Variants in PKMYT1 observed in about 807,000 individuals in gnomAD.
PKMYT1 encodes membrane-associated tyrosine- and threonine-specific cdc2-inhibitory kinase.
A neutral mutation model predicts 49.7 loss-of-function variants in PKMYT1; 35 were observed. That is an observed-to-expected ratio of 0.70 (90% CI 0.54 to 0.93). PKMYT1 has a LOEUF of 0.93. Among genes scored for constraint, PKMYT1 ranks in the 40% least tolerant of loss-of-function variants. The pLI, the probability that PKMYT1 is intolerant of heterozygous loss-of-function variation, is 0.00. For missense variants in PKMYT1, 677 were observed against 673.1 expected, an observed-to-expected ratio of 1.01 and a Z score of -0.06; for synonymous variants, 331 against 287.6, an observed-to-expected ratio of 1.15 and a Z score of -1.53.
chr16:2,973,145 T>A lies in PKMYT1; in HGVS notation c.1381A>T (p.Thr461Ser). ...GCCCCTGGACCTGCTTACCTGGGTG[T>A]GCACCTGCTCCGGGGGGTGGAGGTG... ...GSTSTPRSRC[T>S]PRDALDLSDI... The change falls in exon 8 of 9, where the codon ACA (threonine) becomes TCA (serine). Residue 461 changes from threonine (T) to serine (S), a missense_variant. Thr to Ser is a moderately conservative substitution (Grantham distance 58, BLOSUM62 1). Transcript: ENST00000262300. The A allele has an allele frequency of 2.6e-6, 4 of 1,549,840 alleles. No individual in the cohort carries two copies. Among genetic ancestry groups the A allele is most frequent in the Non-Finnish European group, 3.5e-6 (4 of 1,142,006 alleles).
Position 2,979,687 on chromosome 16 carries a change from G to C in PKMYT1, c.-30C>G. ...GGCCTGGCCCAACAGCCTCAGTGGTGGGACGGGGGAGGCAGGAGCAGGGGC... is the reference window on the plus strand; with the variant it reads ...GGCCTGGCCCAACAGCCTCAGTGGTCGGACGGGGGAGGCAGGAGCAGGGGC... On this transcript the variant is annotated 5_prime_UTR_variant, in exon 2 of 9. Transcript: ENST00000262300. 1 of 1,613,820 alleles carries C rather than the reference G, an allele frequency of 6.2e-7. No individual in the cohort carries two copies. Among genetic ancestry groups the C allele is most frequent in the South Asian group, 1.1e-5 (1 of 91,066 alleles).
Position 2,974,571 on chromosome 16 carries a change from G to A in PKMYT1, c.958C>T (p.Leu320=). The change falls in exon 5 of 9, where the codon CTG becomes TTG. Residue 320 remains leucine, a synonymous_variant. Transcript: ENST00000262300. ...TCACCGGCAGTGAACTCAGGGGGCAGGTAGCCCTGGCGCAGCTGCTGCCAG... is the reference window on the plus strand; with the variant it reads ...TCACCGGCAGTGAACTCAGGGGGCAAGTAGCCCTGGCGCAGCTGCTGCCAG... ...EGWQQLRQGY[L]PPEFTAGLSS... 1.9e-6 allele frequency: 3 copies of A among 1,579,772 alleles called. No homozygotes were observed. The Admixed American group carries it at 5.4e-5, about 28-fold the overall frequency.
intron 2 of PKMYT1, 112 bp downstream of exon 2, chr16:2,979,536 C>T (rs2072287694): frequency 1.2e-6 from 1 of 849,910 alleles, no homozygotes; most frequent in Non-Finnish European, 2.0e-6. Context: ...TGTTGGGATC[C>T]TGGAGGTCAC....
In PKMYT1 at chr16:2,975,337, G is replaced by C. The variant is rs772920818; in HGVS notation, c.854C>G (p.Thr285Arg). 1 of 1,612,474 alleles carries C rather than the reference G, an allele frequency of 6.2e-7. No homozygotes were observed. The highest frequency in any genetic ancestry group is 1.1e-5 in the South Asian group (1 of 91,042). The change falls in exon 4 of 9, where the codon ACA becomes AGA. Residue 285 changes from threonine (T) to arginine (R), a missense_variant. Physicochemically the swap from Thr to Arg is moderately conservative, Grantham distance 71. Transcript: ENST00000262300. ...TCCCCACCTGAACACATCCGCTGCT[G>C]TCCCATAGGAGCCCTGCAGCAGCTC... is the stretch of plus-strand genomic sequence containing the variant. Reference protein sequence around the residue: ...APELLQGSYGTAADVFSLGLT... With the variant: ...APELLQGSYGRAADVFSLGLT...
intron 7 of PKMYT1, chr16:2,973,457 AT>A: frequency 6.6e-7 from 1 of 1,516,018 alleles, no homozygotes; most frequent in Non-Finnish European, 8.8e-7. Flanking sequence ...TTGGAGGCAG[AT>A]TTGAAATAAA....
chr16:2,979,857 T>C lies in PKMYT1; in HGVS notation c.-200A>G. The C allele has an allele frequency of 1.6e-6, 1 of 621,970 alleles. No individual in the cohort carries two copies. Among genetic ancestry groups the C allele is most frequent in the South Asian group, 1.9e-5 (1 of 52,736 alleles). 38.5% of individuals were successfully genotyped at this position (621,970 alleles called of 1,614,324 possible). On this transcript the variant is annotated 5_prime_UTR_variant, in exon 2 of 9. Coordinates refer to ENST00000262300, the MANE Select transcript of PKMYT1 (RefSeq NM_004203.5). ...GCTGGCCACCTTTCCCGGTAGACGG[T>C]AAGTTCCTCCCAGGCAGGGCCGCGG...
At chr16:2,974,817 T>C in intron 4 of PKMYT1, 161 bp from the exon 5 acceptor site, 1 of 602,602 alleles carries the variant, frequency 1.7e-6, no homozygotes, top group East Asian at 2.8e-5. Flanking sequence ...GGCCTGATCA[T>C]GAACCCTGGG....
chr16:2,975,444 C>G lies in PKMYT1; in HGVS notation c.747G>C (p.Leu249=). Residue 249 remains leucine (L), a synonymous_variant, in exon 4 of 9, where the codon CTG becomes CTC. Coordinates refer to ENST00000262300, the MANE Select transcript of PKMYT1 (RefSeq NM_004203.5). ...GCTCCACCAGCAGTCCGAAGTCACC[C>G]AGCTTGCAGCGGCCCCGGGGCCCCA... The part of the protein sequence containing the change: ...IFLGPRGRCK[L]GDFGLLVELG... 1 of 1,613,246 alleles carries G rather than the reference C, an allele frequency of 6.2e-7. No individual in the cohort carries two copies. The highest frequency in any genetic ancestry group is 2.2e-5 in the East Asian group (1 of 44,878).
chr16:2,974,858 T>C, intron 4 of PKMYT1: 1 of 587,522 alleles, frequency 1.7e-6, no homozygotes, highest in Non-Finnish European at 3.0e-6. Context: ...ATATGGGCTC[T>C]GTGCCCAGGG....
At position 2,977,167 on chromosome 16, in the gene PKMYT1, G is replaced by A. The variant is rs899211468; in HGVS notation, c.11-136C>T. On this transcript the variant is annotated intron_variant, in intron 2 of 8. Transcript: ENST00000262300. ...TATTCTACTTTAAACGGCAATGGGA[G>A]CAATAAGCACCTACCAAGAAAAGGC... 8 of 1,486,434 alleles carry A rather than the reference G, an allele frequency of 5.4e-6. No individual in the cohort carries two copies. In the Admixed American group the frequency reaches 1.5e-4, roughly 28 times the overall value. 92.1% of individuals were successfully genotyped at this position (1,486,434 alleles called of 1,614,324 possible). A position where few individuals can be genotyped will look rare whatever the true frequency, so the allele number is the denominator to read the frequency against.
Position 2,973,207 on chromosome 16 carries a change from A to C in PKMYT1, c.1319T>G (p.Leu440Arg). The C allele has an allele frequency of 6.6e-7, 1 of 1,504,666 alleles. No individual in the cohort carries two copies. The highest frequency in any genetic ancestry group is 8.9e-7 in the Non-Finnish European group (1 of 1,123,710). 93.2% of individuals were successfully genotyped at this position (1,504,666 alleles called of 1,614,324 possible). A position where few individuals can be genotyped will look rare whatever the true frequency, so the allele number is the denominator to read the frequency against. Residue 440 changes from leucine (L) to arginine (R), a missense_variant, in exon 8 of 9, where the codon CTC (leucine) becomes CGC (arginine). Transcript: ENST00000262300. ...CCGGGCCAGGACAGCCTCAGGGGAG[A>C]GTGAAGGCCTGCAGGAGGGCAGGCG... ...NWDDDSLGPS[L>R]SPEAVLARTV...
Position 2,972,885 on chromosome 16 carries a change from C to T in PKMYT1, c.*68G>A. ...AGACCATGGGAGTTCCCGAGGGGCC[C>T]CAGCTTTCAAGGGCGACGGGAGAGA... On this transcript the variant is annotated 3_prime_UTR_variant, in exon 9 of 9. Coordinates refer to ENST00000262300, the MANE Select transcript of PKMYT1 (RefSeq NM_004203.5). 1.9e-6 allele frequency: 3 copies of T among 1,544,142 alleles called. No individual in the cohort carries two copies. Among genetic ancestry groups the T allele is most frequent in the African/African-American group, 1.4e-5 (1 of 73,928 alleles).
Position 2,972,996 on chromosome 16 carries a change from C to T in PKMYT1, c.1457G>A (p.Arg486Gln), listed in dbSNP as rs150747918. Reference protein sequence around the residue: ...PRGSFPSFEPRNLLSLFEDTL... With the variant: ...PRGSFPSFEPQNLLSLFEDTL... ...GTCCTCAAACAGGCTGAGGAGGTTC[C>T]GAGGCTCAAAGGAGGGGAAGGAGCC... Residue 486 changes from arginine (R) to glutamine (Q), a missense_variant, in exon 9 of 9, where the codon CGG (arginine) becomes CAG (glutamine). Physicochemically the swap from Arg to Gln is conservative, Grantham distance 43 (BLOSUM62 1). Transcript: ENST00000262300. The T allele has an allele frequency of 1.2e-4, 197 of 1,610,466 alleles. No homozygotes were observed. The African/African-American group carries it at 1.4e-3, about 12-fold the overall frequency.
Position 2,976,709 on chromosome 16 carries a change from C to T in PKMYT1, c.333G>A (p.Gln111=). 1 of 1,492,270 alleles carries T rather than the reference C, an allele frequency of 6.7e-7. No homozygotes were observed. Among genetic ancestry groups the T allele is most frequent in the East Asian group, 2.3e-5 (1 of 43,120 alleles). 92.4% of individuals were successfully genotyped at this position (1,492,270 alleles called of 1,614,324 possible). A position where few individuals can be genotyped will look rare whatever the true frequency, so the allele number is the denominator to read the frequency against. Residue 111 remains glutamine, a synonymous_variant, in exon 3 of 9, where the codon CAG becomes CAA. Coordinates refer to ENST00000262300, the MANE Select transcript of PKMYT1 (RefSeq NM_004203.5). ...AGCCATGGCCCAGGCGGCTGAGCCT[C>T]TGGAAGCTCTGCTGGAAGAAGGACT... ...RPESFFQQSF[Q]RLSRLGHGSY... is the part of the protein sequence containing the mutation.
chr16:2,977,380 A>AGATC, intron 2 of PKMYT1: 1 of 985,128 alleles, frequency 1.0e-6, no homozygotes, highest in Non-Finnish European at 1.2e-6. Flanking sequence ...TTGATCCTAA[A>AGATC]CTACACAACC....
chr16:2,973,678 C>T, intron 7 of PKMYT1: 1 of 459,488 alleles, frequency 2.2e-6, no homozygotes, highest in East Asian at 4.5e-5. Context: ...TCCCCAGACT[C>T]CAGAGGCTTT....
chr16:2,974,572 G>T lies in PKMYT1; in HGVS notation c.957C>A (p.Tyr319Ter). 6.3e-7 allele frequency: 1 copy of T among 1,580,258 alleles called. No homozygotes were observed. The highest frequency in any genetic ancestry group is 8.6e-7 in the Non-Finnish European group (1 of 1,163,310). Residue 319 changes from tyrosine (Y) to a stop codon, truncating the protein, a stop_gained, in exon 5 of 9, where the codon TAC becomes TAA. Transcript: ENST00000262300. LOFTEE classifies it high-confidence loss of function. Reference protein sequence around the residue: ...GEGWQQLRQGYLPPEFTAGLS... With the variant: ...GEGWQQLRQG Reference sequence around the variant, plus strand: ...CACCGGCAGTGAACTCAGGGGGCAGGTAGCCCTGGCGCAGCTGCTGCCAGC... The same window carrying T: ...CACCGGCAGTGAACTCAGGGGGCAGTTAGCCCTGGCGCAGCTGCTGCCAGC...
chr16:2,973,255 T>C (rs1385892103), intron 7 of PKMYT1, 40 bp from the exon 8 acceptor site: 2 of 1,483,316 alleles, frequency 1.3e-6, no homozygotes, highest in Non-Finnish European at 1.8e-6. Flanking sequence ...TGTCCAGGGC[T>C]AGGGAGTGCC....
chr16:2,973,342 A>G (rs1453874952), intron 7 of PKMYT1, 127 bp from the exon 8 acceptor site: 3 of 1,543,688 alleles, frequency 1.9e-6, no homozygotes, highest in South Asian at 2.4e-5. Context: ...AGTCAGGGAC[A>G]ATAAAAACTT....
Sources: gnomAD v4.1 joint callset for allele counts on GRCh38, gnomAD v4.1.1 for gene constraint, MANE v1.5 for transcripts, NCBI Gene and HGNC (gene_info 2026-07-23, HGNC 2026-07-21) for gene names.